MVB12B: variants seen among roughly 807,000 people sequenced by gnomAD.
The protein encoded by MVB12B is multivesicular body subunit 12B, also known as ESCRT-I complex subunit MVB12B.
Under a neutral mutation model 41.6 loss-of-function variants are expected in MVB12B, and 16 were observed. The observed-to-expected ratio is 0.38, with a 90% CI of 0.26 to 0.58. The LOEUF (loss-of-function observed/expected upper bound fraction) is 0.58, where lower values mean the gene tolerates loss of function less well. MVB12B is among the 20% of genes least tolerant of loss of function. The pLI, the probability that MVB12B is intolerant of heterozygous loss-of-function variation, is 0.62. For synonymous variants in MVB12B, 133 were observed against 139.7 expected (o/e 0.95, Z 0.34); for missense variants, 274 against 380.2 (o/e 0.72, Z 2.32).
intron 7 of MVB12B, among the ~76,000 whole-genome samples, chr9:126,427,176 T>A (rs1832204554): frequency 6.6e-6 from 1 of 152,218 alleles, no homozygotes; most frequent in Non-Finnish European, 1.5e-5. Flanking sequence ...TCAATGATTA[T>A]AACTCTAAGT....
At chr9:126,501,757 G>T (rs1379926599) in intron 9 of MVB12B, among the ~76,000 whole-genome samples, 1 of 152,196 alleles carries the variant, frequency 6.6e-6, no homozygotes, top group Non-Finnish European at 1.5e-5. Flanking sequence ...GCCCCTGAAG[G>T]CTCAGCCCTG....
chr9:126,430,861 A>G (rs1353866114), intron 7 of MVB12B, among the ~76,000 whole-genome samples: 1 of 152,226 alleles, frequency 6.6e-6, no homozygotes, highest in Non-Finnish European at 1.5e-5. Flanking sequence ...GACCCTGCAC[A>G]ATGCTACTTT....
At chr9:126,487,287 C>G (rs1042888284) in intron 9 of MVB12B, among the ~76,000 whole-genome samples, 2 of 152,198 alleles carry the variant, frequency 1.3e-5, no homozygotes, top group South Asian at 2.1e-4. Context: ...CTGGCTGCCA[C>G]TGTCATCACA....
intron 6 of MVB12B, among the ~76,000 whole-genome samples, chr9:126,397,980 G>A (rs1284235942): frequency 1.3e-5 from 2 of 151,980 alleles, no homozygotes; most frequent in Non-Finnish European, 2.9e-5. Context: ...AGTGGGGCCT[G>A]CAGGGCTGCA....
intron 7 of MVB12B, among the ~76,000 whole-genome samples, chr9:126,461,168 C>T (rs1833080007): frequency 6.6e-6 from 1 of 152,170 alleles, no homozygotes; most frequent in Non-Finnish European, 1.5e-5. Context: ...CCGTGGAGGC[C>T]AGGAGTGATG....
chr9:126,423,325 T>C (rs1832079470), intron 7 of MVB12B, among the ~76,000 whole-genome samples: 1 of 152,250 alleles, frequency 6.6e-6, no homozygotes, highest in Admixed American at 6.5e-5. Flanking sequence ...TGTTGGCGTT[T>C]CTGCAGGAAA....
chr9:126,450,583 G>C (rs984644864), intron 7 of MVB12B, among the ~76,000 whole-genome samples: 2 of 152,194 alleles, frequency 1.3e-5, no homozygotes, highest in Non-Finnish European at 2.9e-5. Flanking sequence ...AGATGGAGGG[G>C]TGCCAGAACA....
At chr9:126,398,704 T>C (rs373888199) in intron 6 of MVB12B, among the ~76,000 whole-genome samples, 1 of 152,118 alleles carries the variant, frequency 6.6e-6, no homozygotes, top group South Asian at 2.1e-4. Context: ...AATGCGGTTC[T>C]GAGCCGGAGC....
rs1833616520 is a variant in MVB12B, at chr9:126,486,237, T to A, written c.873+2205T>A. 6.6e-6 allele frequency among the ~76,000 whole-genome samples: 1 copy of A among 152,166 alleles called. No homozygotes were observed. On this transcript the variant is annotated intron_variant, in intron 9 of 9. Coordinates refer to ENST00000361171, the MANE Select transcript of MVB12B (RefSeq NM_033446.3). The surrounding 1 kb of genome is among the most constrained non-coding windows in gnomAD (Gnocchi z 4.7). ...ATGGCTGGCTGGGACATTAGAAACATAGGTGTGCATAAAATTTCACACCTG... is the reference window on the plus strand; with the variant it reads ...ATGGCTGGCTGGGACATTAGAAACAAAGGTGTGCATAAAATTTCACACCTG...
intron 9 of MVB12B, among the ~76,000 whole-genome samples, chr9:126,491,570 G>C (rs1833733119): frequency 6.6e-6 from 1 of 152,142 alleles, no homozygotes; most frequent in Non-Finnish European, 1.5e-5. Flanking sequence ...CAGAATCCTT[G>C]TTATTTCTTT....
chr9:126,335,055 G>T (rs1303261137), intron 1 of MVB12B, among the ~76,000 whole-genome samples: 1 of 152,330 alleles, frequency 6.6e-6, no homozygotes, highest in East Asian at 1.9e-4. Flanking sequence ...CTTCTGTTGG[G>T]GGGGAAAGGA....
At chr9:126,359,445 C>A (rs1474444491) in intron 2 of MVB12B, among the ~76,000 whole-genome samples, 1 of 152,038 alleles carries the variant, frequency 6.6e-6, no homozygotes, top group Non-Finnish European at 1.5e-5. Context: ...TCCTTTCTTG[C>A]CTGTTTTCTG....
At chr9:126,499,123 T>TGGAAG (rs2119237758) in intron 9 of MVB12B, among the ~76,000 whole-genome samples, 1 of 152,336 alleles carries the variant, frequency 6.6e-6, no homozygotes, top group African/African-American at 2.4e-5. Flanking sequence ...CAGGTGCTGC[T>TGGAAG]GGAAGCTGCA....
At chr9:126,420,834 C>T (rs1366824045) in intron 6 of MVB12B, among the ~76,000 whole-genome samples, 2 of 151,800 alleles carry the variant, frequency 1.3e-5, no homozygotes, top group African/African-American at 2.4e-5. Context: ...TGAGCCACCG[C>T]GCCCGGCCCT....
At chr9:126,428,757 T>TGA (rs1240754435) in intron 7 of MVB12B, among the ~76,000 whole-genome samples, 3 of 151,976 alleles carry the variant, frequency 2.0e-5, no homozygotes, top group Non-Finnish European at 4.4e-5. Flanking sequence ...TGTGCTCGGG[T>TGA]GAGTGTGTGG....
At position 126,468,436 on chromosome 9, in the gene MVB12B, T is replaced by C. The variant is rs952156202; in HGVS notation, c.758-12933T>C. ...ACCCACGAGTTCATCTCTGCTGCTT[T>C]TCCGCTGGCCCCCACGCCCCGTCAG... On this transcript the variant is annotated intron_variant, in intron 7 of 9. Transcript: ENST00000361171. The surrounding 1 kb of genome is among the most constrained non-coding windows in gnomAD (Gnocchi z 4.3). 3.3e-5 allele frequency among the ~76,000 whole-genome samples: 5 copies of C among 152,218 alleles called. No homozygotes were observed. Among genetic ancestry groups the C allele is most frequent in the Non-Finnish European group, 5.9e-5 (4 of 68,036 alleles).
In MVB12B at chr9:126,381,158, T is replaced by G. The variant is rs1490939928; in HGVS notation, c.299T>G (p.Phe100Cys). Reference protein sequence around the residue: ...VTRYLCFTRSFSKENSHLGNV... With the variant: ...VTRYLCFTRSCSKENSHLGNV... ...AGATACCTGTGTTTCACAAGATCATTTTCCAAAGAAAATGTAAGTCTAGTC... is the reference window on the plus strand; with the variant it reads ...AGATACCTGTGTTTCACAAGATCATGTTCCAAAGAAAATGTAAGTCTAGTC... The change falls in exon 3 of 10, where the codon TTT becomes TGT. Residue 100 changes from phenylalanine to cysteine, a missense_variant. Physicochemically the swap from Phe to Cys is radical, Grantham distance 205. Coordinates refer to ENST00000361171, the MANE Select transcript of MVB12B (RefSeq NM_033446.3). 6.2e-7 allele frequency: 1 copy of G among 1,612,530 alleles called. No individual in the cohort carries two copies. Among genetic ancestry groups the G allele is most frequent in the Non-Finnish European group, 8.5e-7 (1 of 1,178,740 alleles).
At position 126,478,480 on chromosome 9, in the gene MVB12B, C is replaced by T. The variant is rs146067787; in HGVS notation, c.758-2889C>T. On this transcript the variant is annotated intron_variant, in intron 7 of 9. Transcript: ENST00000361171. This position sits in a 1 kb window ranked among gnomAD's most constrained non-coding sequence, Gnocchi z 4.2. ...ACCTACAATAAGAGGAGAGGAGACA[C>T]GGGCCTGGCCAGACCCCAGGGAGGA... 7.9e-5 allele frequency among the ~76,000 whole-genome samples: 12 copies of T among 152,268 alleles called. No homozygotes were observed. The highest frequency in any genetic ancestry group is 1.4e-4 in the African/African-American group (6 of 41,532).
intron 2 of MVB12B, among the ~76,000 whole-genome samples, chr9:126,369,538 G>C (rs1386472424): frequency 6.6e-6 from 1 of 152,148 alleles, no homozygotes; most frequent in Admixed American, 6.5e-5. Context: ...CTACTGCTCT[G>C]AGTTTGGTGT....
Sources: gnomAD v4.1 joint callset for allele counts (sites outside exome capture counted in the v4.1 genomes callset) on GRCh38, gnomAD v4.1.1 for gene constraint, Gnocchi (gnomAD v3.1) non-coding constraint, MANE v1.5 for transcripts, NCBI Gene and HGNC (gene_info 2026-07-23, HGNC 2026-07-21) for gene names.